Variants in RBM46 observed in about 807,000 individuals in gnomAD.
The protein encoded by RBM46 is RNA binding motif protein 46, also known as probable RNA-binding protein 46.
RBM46 carries 12 observed loss-of-function variants against 43.3 expected under a neutral mutation model. That is an observed-to-expected ratio of 0.28 (90% CI 0.18 to 0.45). The LOEUF is 0.45. Among genes scored for constraint, RBM46 ranks in the 20% least tolerant of loss-of-function variants. The pLI is 1.00. For missense variants in RBM46, 412 were observed against 639.1 expected (o/e 0.64, Z 3.83); for synonymous variants, 205 against 207.6 (o/e 0.99, Z 0.11).
At chr4:154,823,863 C>T (rs563888152) in intron 4 of RBM46, among the ~76,000 whole-genome samples, 1 of 152,064 alleles carries the variant, frequency 6.6e-6, no homozygotes, top group East Asian at 1.9e-4. Flanking sequence ...AGTTGTCACT[C>T]GCTTTCCTGT....
chr4:154,794,807 C>T (rs1323957996), intron 1 of RBM46, among the ~76,000 whole-genome samples: 1 of 152,094 alleles, frequency 6.6e-6, no homozygotes, highest in Non-Finnish European at 1.5e-5. Context: ...GGCAGGTTCT[C>T]TTCCCTTGTC....
intron 2 of RBM46, 63 bp from the exon 3 acceptor site, chr4:154,797,748 G>A: frequency 8.8e-7 from 1 of 1,133,526 alleles, no homozygotes. Context: ...ATGAATATAT[G>A]ATTGAATAGT....
chr4:154,784,576 A>G (rs1733667656), intron 1 of RBM46, among the ~76,000 whole-genome samples: 1 of 152,136 alleles, frequency 6.6e-6, no homozygotes, highest in Non-Finnish European at 1.5e-5. Flanking sequence ...TGAGCTAGAG[A>G]GGAATCTTTG....
In RBM46 at chr4:154,819,318, T is replaced by C. The variant is rs182403073; in HGVS notation, c.1403-8550T>C. Among the ~76,000 whole-genome samples, 83 of 152,316 alleles carry C rather than the reference T, an allele frequency of 5.4e-4. 1 individual carries two copies. In the East Asian group the frequency reaches 9.6e-3, roughly 18 times the overall value. ...ATTTTTACTCAGTTCCAGTCATTCCTTGTTAGTAGCTCTTTAGTTCTAGTT... is the reference window on the plus strand; with the variant it reads ...ATTTTTACTCAGTTCCAGTCATTCCCTGTTAGTAGCTCTTTAGTTCTAGTT... On this transcript the variant is annotated intron_variant, in intron 4 of 4. Coordinates refer to ENST00000281722, the MANE Select transcript of RBM46 (RefSeq NM_144979.5).
At chr4:154,796,298 G>A (rs1337940353) in intron 1 of RBM46, among the ~76,000 whole-genome samples, 1 of 152,188 alleles carries the variant, frequency 6.6e-6, no homozygotes, top group African/African-American at 2.4e-5. Context: ...GTTTGTTGGG[G>A]TGCCATTTAT....
intron 4 of RBM46, among the ~76,000 whole-genome samples, chr4:154,806,858 G>A (rs1326538427): frequency 1.3e-5 from 2 of 151,838 alleles, no homozygotes; most frequent in Non-Finnish European, 3.0e-5. Flanking sequence ...AAATAATGAT[G>A]TGTATCAAAA....
At chr4:154,792,282 C>A (rs182150539) in intron 1 of RBM46, among the ~76,000 whole-genome samples, 41 of 152,088 alleles carry the variant, frequency 2.7e-4, no homozygotes, top group Admixed American at 2.7e-3. Context: ...ATATAAAGTG[C>A]GTGTCATTAT....
intron 1 of RBM46, among the ~76,000 whole-genome samples, chr4:154,786,920 CCTT>C (rs960786533): frequency 2.0e-5 from 3 of 152,024 alleles, no homozygotes; most frequent in Non-Finnish European, 2.9e-5. Flanking sequence ...GAGCGAGACT[CCTT>C]CTTGGAAAAC....
At chr4:154,794,638 C>T (rs1057007239) in intron 1 of RBM46, among the ~76,000 whole-genome samples, 7 of 152,136 alleles carry the variant, frequency 4.6e-5, no homozygotes, top group African/African-American at 1.2e-4. Flanking sequence ...ACAAGGTATA[C>T]CTTGTACATG....
rs532404293 is a variant in RBM46, at chr4:154,789,733, A to G, written c.-11-7009A>G. Among the ~76,000 whole-genome samples the G allele has an allele frequency of 5.1e-4, 78 of 152,274 alleles. 2 individuals are homozygous for G. In the South Asian group the frequency reaches 0.015, roughly 28 times the overall value. On this transcript the variant is annotated intron_variant, in intron 1 of 4. Transcript: ENST00000281722. ...TCCCTCTTTTTCTATTGATTGGAAT[A>G]GTTTCAGAAGGGATGGTACCTGCAC...
intron 4 of RBM46, among the ~76,000 whole-genome samples, chr4:154,802,503 CCTT>C (rs1734685195): frequency 6.6e-6 from 1 of 152,132 alleles, no homozygotes; most frequent in South Asian, 2.1e-4. Flanking sequence ...TCTAGTTACA[CCTT>C]CTTTTAGTTA....
chr4:154,811,743 C>T (rs546521394), intron 4 of RBM46, among the ~76,000 whole-genome samples: 3 of 150,552 alleles, frequency 2.0e-5, no homozygotes, highest in East Asian at 2.0e-4. Context: ...TGCAGTGGTG[C>T]GATCTTGGCT....
chr4:154,819,376 C>T (rs1007521857), intron 4 of RBM46, among the ~76,000 whole-genome samples: 1 of 152,120 alleles, frequency 6.6e-6, no homozygotes, highest in Non-Finnish European at 1.5e-5. Flanking sequence ...TCTCTTGGCA[C>T]CTTCTGTTAA....
At chr4:154,827,350 A>ATCGATC (rs1736013900) in intron 4 of RBM46, 1 of 974,746 alleles carries the variant, frequency 1.0e-6, no homozygotes, top group Admixed American at 6.1e-5. Context: ...GTTGAGTTAG[A>ATCGATC]TAAGTGTTTA....
intron 4 of RBM46, among the ~76,000 whole-genome samples, chr4:154,815,993 C>T (rs1735424307): frequency 1.3e-5 from 2 of 151,996 alleles, no homozygotes; most frequent in South Asian, 4.1e-4. Context: ...GCCATTTTCC[C>T]ATGACTCTGC....
At chr4:154,799,918 C>T (rs1578914443) in intron 4 of RBM46, among the ~76,000 whole-genome samples, 1 of 152,004 alleles carries the variant, frequency 6.6e-6, no homozygotes, top group South Asian at 2.1e-4. Context: ...TGCCACCATG[C>T]CAGGCTAATT....
intron 1 of RBM46, among the ~76,000 whole-genome samples, chr4:154,788,313 G>C (rs1480254040): frequency 6.6e-6 from 1 of 152,100 alleles, no homozygotes; most frequent in Non-Finnish European, 1.5e-5. Flanking sequence ...GGTTTTTATG[G>C]TTTTAGGTCT....
intron 4 of RBM46, among the ~76,000 whole-genome samples, chr4:154,802,585 T>A (rs1734690263): frequency 6.6e-6 from 1 of 152,194 alleles, no homozygotes; most frequent in Non-Finnish European, 1.5e-5. Context: ...GTTCTTGACA[T>A]CCTAGTAAAT....
At chr4:154,784,035 G>A (rs1733637767) in intron 1 of RBM46, among the ~76,000 whole-genome samples, 1 of 152,120 alleles carries the variant, frequency 6.6e-6, no homozygotes, top group Admixed American at 6.5e-5. Context: ...TGGCAACCAT[G>A]GTTTCCATGT....
Sources: allele counts gnomAD v4.1 joint callset (sites outside exome capture counted in the v4.1 genomes callset), GRCh38; gene constraint gnomAD v4.1.1; transcripts MANE v1.5; gene names NCBI Gene and HGNC (gene_info 2026-07-23, HGNC 2026-07-21).